The following DYNC1LI1 variants were observed in gnomAD, a reference collection of about 807,000 sequenced individuals.
The protein encoded by DYNC1LI1 is cytoplasmic dynein 1 light intermediate chain 1.
Under a neutral mutation model 63.8 loss-of-function variants are expected in DYNC1LI1, and 19 were observed. The ratio of observed to expected loss-of-function variants is 0.30; its 90% confidence interval spans 0.21 to 0.44. DYNC1LI1 has a LOEUF of 0.44. Among genes scored for constraint, DYNC1LI1 ranks in the 20% least tolerant of loss-of-function variants. The probability of loss-of-function intolerance (pLI) is 1.00; values close to 1 mark genes in which losing one functional copy is unlikely to be tolerated. For synonymous variants in DYNC1LI1, 225 were observed against 232.3 expected, an observed-to-expected ratio of 0.97 and a Z score of 0.28; for missense variants, 565 against 630.2, an observed-to-expected ratio of 0.90 and a Z score of 1.11.
At chr3:32,531,337 C>CA (rs1178803944) in intron 8 of DYNC1LI1, 1 of 152,618 alleles carries the variant, frequency 6.6e-6, no homozygotes, top group East Asian at 1.9e-4. Flanking sequence ...AGGGCATGTA[C>CA]ACTTTTAGTT....
chr3:32,561,029 A>AC (rs1698185376), intron 2 of DYNC1LI1, among the ~76,000 whole-genome samples: 1 of 130,022 alleles, frequency 7.7e-6, no homozygotes, highest in African/African-American at 3.2e-5. Flanking sequence ...AAAAAAAAAA[A>AC]AAAACAAACA....
At chr3:32,553,931 T>C (rs186791849) in intron 2 of DYNC1LI1, among the ~76,000 whole-genome samples, 1 of 152,318 alleles carries the variant, frequency 6.6e-6, no homozygotes, top group East Asian at 1.9e-4. Context: ...TTGGGAGCCA[T>C]GGTGGCTCAG....
chr3:32,556,425 A>C (rs1698115770), intron 2 of DYNC1LI1, among the ~76,000 whole-genome samples: 1 of 152,232 alleles, frequency 6.6e-6, no homozygotes, highest in Non-Finnish European at 1.5e-5. Context: ...AACAGTCAGC[A>C]AGACATAAAG....
intron 5 of DYNC1LI1, among the ~76,000 whole-genome samples, 195 bp downstream of exon 5, chr3:32,540,842 T>A (rs1697870834): frequency 6.6e-6 from 1 of 152,198 alleles, no homozygotes; most frequent in Non-Finnish European, 1.5e-5. Flanking sequence ...GAAATAACAT[T>A]TTCTTTCAAA....
intron 2 of DYNC1LI1, among the ~76,000 whole-genome samples, chr3:32,555,036 G>C (rs1199569855): frequency 2.6e-5 from 4 of 151,656 alleles, no homozygotes; most frequent in Non-Finnish European, 5.9e-5. Flanking sequence ...TGCCCGGCTA[G>C]TTTTTGTGGT....
intron 5 of DYNC1LI1, among the ~76,000 whole-genome samples, chr3:32,538,669 C>G (rs1697835072): frequency 6.6e-6 from 1 of 151,408 alleles, no homozygotes; most frequent in Non-Finnish European, 1.5e-5. Context: ...CCACCGCACT[C>G]TAGCCTGGGT....
At chr3:32,545,448 C>T in intron 3 of DYNC1LI1, 2 of 343,140 alleles carry the variant, frequency 5.8e-6, no homozygotes, top group Non-Finnish European at 1.1e-5. Flanking sequence ...CTCAAGATAT[C>T]ATATACAAAA....
chr3:32,526,242 T>C lies in DYNC1LI1; in HGVS notation c.*557A>G, dbSNP rs906490399. On this transcript the variant is annotated 3_prime_UTR_variant, in exon 13 of 13. Transcript: ENST00000273130. ...TGATGACAACTTACAGGATCAGTGA[T>C]TGAGACAATGACTAGTGTATCAAAC... The C allele has an allele frequency of 6.6e-6, 1 of 152,656 alleles. No homozygotes were observed. Among genetic ancestry groups the C allele is most frequent in the Non-Finnish European group, 1.5e-5 (1 of 68,056 alleles). 9.5% of individuals were successfully genotyped at this position (152,656 alleles called of 1,614,324 possible).
At chr3:32,558,382 TCCC>T (rs1698143739) in intron 2 of DYNC1LI1, among the ~76,000 whole-genome samples, 2 of 136,530 alleles carry the variant, frequency 1.5e-5, no homozygotes. Context: ...TTTGTTTTAT[TCCC>T]CCAACTCTTT....
intron 2 of DYNC1LI1, among the ~76,000 whole-genome samples, chr3:32,550,165 C>T (rs1321732742): frequency 1.3e-5 from 2 of 152,180 alleles, no homozygotes; most frequent in African/African-American, 2.4e-5. Context: ...GGCACAGTGG[C>T]TCACGCCTGT....
chr3:32,540,986 T>G (rs774153119), intron 5 of DYNC1LI1, 51 bp downstream of exon 5: 11 of 1,416,308 alleles, frequency 7.8e-6, no homozygotes, highest in Non-Finnish European at 1.0e-5. Context: ...ACAAAACAGT[T>G]GTTCATCCTC....
intron 2 of DYNC1LI1, among the ~76,000 whole-genome samples, chr3:32,559,056 TA>T: frequency 7.0e-6 from 1 of 142,850 alleles, no homozygotes; most frequent in Non-Finnish European, 1.5e-5. Context: ...CCATTACTAC[TA>T]CTTTTTTTTT....
Position 32,532,990 on chromosome 3 carries a change from C to A in DYNC1LI1, c.1076G>T (p.Arg359Leu). ...FEDIITKPPV[R>L]KFVHEKEIMA... is the part of the protein sequence containing the mutation. ...ATTATTTACTAAAATGGTTACCTTTCGAACAGGTGGTTTAGTTATGATGTC... is the reference window on the plus strand; with the variant it reads ...ATTATTTACTAAAATGGTTACCTTTAGAACAGGTGGTTTAGTTATGATGTC... Residue 359 changes from arginine (R) to leucine (L), a missense_variant, in exon 8 of 13, where the codon CGA (arginine) becomes CTA (leucine). Transcript: ENST00000273130. 3 of 1,572,870 alleles carry A rather than the reference C, an allele frequency of 1.9e-6. No individual in the cohort carries two copies. Among genetic ancestry groups the A allele is most frequent in the South Asian group, 2.4e-5 (2 of 83,668 alleles).
At position 32,529,657 on chromosome 3, in the gene DYNC1LI1, C is replaced by T. The variant is rs200865606; in HGVS notation, c.1189G>A (p.Ala397Thr). Reference sequence around the variant, plus strand: ...GAGCCTCCTGGGACTCTTGGTGAGGCATCCTATGTAAAAATAGGAAAATAC... The same window carrying T: ...GAGCCTCCTGGGACTCTTGGTGAGGTATCCTATGTAAAAATAGGAAAATAC... Reference protein sequence around the residue: ...PPTAAGRPVDASPRVPGGSPR... With the variant: ...PPTAAGRPVDTSPRVPGGSPR... The change falls in exon 11 of 13, where the codon GCC becomes ACC. Residue 397 changes from alanine (A) to threonine (T), a missense_variant. By Grantham distance (58) the Ala-to-Thr change is moderately conservative. Coordinates refer to ENST00000273130, the MANE Select transcript of DYNC1LI1 (RefSeq NM_016141.4). 2.5e-6 allele frequency: 4 copies of T among 1,588,070 alleles called. No homozygotes were observed. The highest frequency in any genetic ancestry group is 4.5e-5 in the East Asian group (2 of 44,652).
chr3:32,570,718 G>C lies in DYNC1LI1; in HGVS notation c.53C>G (p.Ser18Cys), dbSNP rs28403573. ...GSFGSSPPGL[S>C]STYTGGPLGN... is the part of the protein sequence containing the mutation. ...CAAGGGGCCGCCAGTGTAAGTCGAG[G>C]ATAATCCCGGCGGAGAAGAACCGAA... is the stretch of plus-strand genomic sequence containing the variant. Residue 18 changes from serine to cysteine, a missense_variant, in exon 1 of 13, where the codon TCC becomes TGC. Physicochemically the swap from Ser to Cys is moderately radical, Grantham distance 112. Transcript: ENST00000273130. 1 of 1,609,334 alleles carries C rather than the reference G, an allele frequency of 6.2e-7. No individual in the cohort carries two copies. The highest frequency in any genetic ancestry group is 1.1e-5 in the South Asian group (1 of 90,630).
Position 32,530,331 on chromosome 3 carries a change from GAAAAA to G in DYNC1LI1, c.1141-8_1141-4del. On this transcript the variant is annotated splice_region_variant and splice_polypyrimidine_tract_variant and intron_variant, in intron 9 of 12. Coordinates refer to ENST00000273130, the MANE Select transcript of DYNC1LI1 (RefSeq NM_016141.4). ...GGTGGTTGCTTTGCTAAAAGGGACT[GAAAAA>G]AAAAAAAAAAAAGAATCCTAGTTTA... The G allele has an allele frequency of 1.6e-5, 23 of 1,425,186 alleles. No individual in the cohort carries two copies. The highest frequency in any genetic ancestry group is 1.4e-4 in the Admixed American group (6 of 43,420). 88.3% of individuals were successfully genotyped at this position (1,425,186 alleles called of 1,614,324 possible). A position where few individuals can be genotyped will look rare whatever the true frequency, so the allele number is the denominator to read the frequency against.
intron 2 of DYNC1LI1, among the ~76,000 whole-genome samples, chr3:32,558,322 C>G (rs1419419270): frequency 1.4e-5 from 2 of 147,100 alleles, no homozygotes; most frequent in East Asian, 4.0e-4. Context: ...AAGGACTAGA[C>G]AGCAAATACT....
intron 2 of DYNC1LI1, among the ~76,000 whole-genome samples, chr3:32,566,193 G>A (rs1388727327): frequency 1.3e-5 from 2 of 151,066 alleles, no homozygotes; most frequent in Non-Finnish European, 3.0e-5. Context: ...GACGGTTTGA[G>A]CCCAGGAGGC....
At chr3:32,539,031 G>C (rs573308239) in intron 5 of DYNC1LI1, among the ~76,000 whole-genome samples, 3 of 152,022 alleles carry the variant, frequency 2.0e-5, no homozygotes, top group Non-Finnish European at 4.4e-5. Flanking sequence ...TTTTCTTTTG[G>C]AAAGTAAGAC....
Sources: allele counts gnomAD v4.1 joint callset (sites outside exome capture counted in the v4.1 genomes callset), GRCh38; gene constraint gnomAD v4.1.1; transcripts MANE v1.5; gene names NCBI Gene and HGNC (gene_info 2026-07-23, HGNC 2026-07-21).